The following ROCK1 variants were observed in gnomAD, a reference collection of about 807,000 sequenced individuals.
ROCK1 encodes Rho associated coiled-coil containing protein kinase 1.
A neutral mutation model predicts 196.8 loss-of-function variants in ROCK1; 36 were observed. That is an observed-to-expected ratio of 0.18 (90% CI 0.14 to 0.24). The LOEUF (loss-of-function observed/expected upper bound fraction) is 0.24. Ranked by LOEUF, ROCK1 falls within the 10% of genes least tolerant of loss-of-function variation. The probability of loss-of-function intolerance (pLI) is 1.00; values close to 1 mark genes in which losing one functional copy is unlikely to be tolerated. For missense variants in ROCK1, 920 were observed against 1,562.0 expected (o/e 0.59, Z 6.93); for synonymous variants, 443 against 515.9 (o/e 0.86, Z 1.91).
chr18:20,969,909 T>C (rs1203566003), intron 23 of ROCK1: 4 of 153,434 alleles, frequency 2.6e-5, no homozygotes, highest in African/African-American at 9.6e-5. Context: ...GAATAGGTAA[T>C]TGTTTGGAGT....
chr18:21,033,322 G>C (rs1250528625), intron 9 of ROCK1, among the ~76,000 whole-genome samples: 1 of 152,166 alleles, frequency 6.6e-6, no homozygotes, highest in Non-Finnish European at 1.5e-5. Context: ...AAGGACTAGA[G>C]AGGAACTTCC....
intron 1 of ROCK1, among the ~76,000 whole-genome samples, chr18:21,097,491 ATCC>A (rs1396123420): frequency 1.3e-5 from 2 of 152,240 alleles, no homozygotes; most frequent in Non-Finnish European, 2.9e-5. Flanking sequence ...ATTTCATTTA[ATCC>A]TCCTAATTAA....
chr18:21,086,332 G>C (rs1446270547), intron 1 of ROCK1, among the ~76,000 whole-genome samples: 1 of 152,012 alleles, frequency 6.6e-6, no homozygotes, highest in African/African-American at 2.4e-5. Context: ...GGCTGGTCTC[G>C]AACTCCCGAC....
intron 1 of ROCK1, among the ~76,000 whole-genome samples, chr18:21,090,366 G>C (rs950411236): frequency 1.3e-5 from 2 of 152,186 alleles, no homozygotes; most frequent in African/African-American, 4.8e-5. Context: ...AGGAGGCTGA[G>C]GTGGGAGAAT....
intron 18 of ROCK1, among the ~76,000 whole-genome samples, chr18:20,990,387 G>T (rs1040112601): frequency 3.3e-5 from 5 of 151,318 alleles, no homozygotes; most frequent in African/African-American, 7.3e-5. Context: ...GTAAACTGAG[G>T]GAACTAGAAG....
At chr18:21,096,608 C>T (rs2036615176) in intron 1 of ROCK1, among the ~76,000 whole-genome samples, 1 of 152,162 alleles carries the variant, frequency 6.6e-6, no homozygotes, top group Non-Finnish European at 1.5e-5. Flanking sequence ...GGGAGATAAT[C>T]ATTCACAATA....
rs777420609 is a variant in ROCK1 at position 21,044,138 on chromosome 18, C to T, written c.639G>A (p.Lys213=). 4.3e-6 allele frequency: 7 copies of T among 1,611,278 alleles called. No homozygotes were observed. The highest frequency in any genetic ancestry group is 1.3e-5 in the African/African-American group (1 of 74,948). ...TCATACAAGTACCAAAATCTGCTAA[C>T]TTCAAATGTCCAGATTTATCCAGCA... ...NMLLDKSGHL[K]LADFGTCMKM... The change falls in exon 6 of 33, where the codon AAG becomes AAA. Residue 213 remains lysine, a synonymous_variant. Coordinates refer to ENST00000399799, the MANE Select transcript of ROCK1 (RefSeq NM_005406.3).
intron 13 of ROCK1, 133 bp downstream of exon 13, chr18:21,015,298 G>T: frequency 1.5e-6 from 1 of 685,312 alleles, no homozygotes. Context: ...CCAAGGTGAG[G>T]CTTTCATCAC....
intron 12 of ROCK1, among the ~76,000 whole-genome samples, chr18:21,017,850 G>C (rs998370077): frequency 6.6e-6 from 1 of 151,756 alleles, no homozygotes; most frequent in African/African-American, 2.4e-5. Context: ...GCGGGCGCCT[G>C]TAGTCCCAGC....
intron 1 of ROCK1, among the ~76,000 whole-genome samples, chr18:21,081,922 T>A (rs1310359705): frequency 6.6e-6 from 1 of 152,170 alleles, no homozygotes; most frequent in African/African-American, 2.4e-5. Context: ...ACTGGTGAAT[T>A]CTAACAAACA....
Position 20,953,848 on chromosome 18 carries a change from T to C in ROCK1, c.3854-63A>G, listed in dbSNP as rs565510677. On this transcript the variant is annotated intron_variant, in intron 31 of 32. Transcript: ENST00000399799. ...ATATAGTTTTTTAAAATCCAACCTA[T>C]CAAATGCATAGTTTTTCAAGTTCTT... is the stretch of plus-strand genomic sequence containing the variant. 80 of 688,916 alleles carry C rather than the reference T, an allele frequency of 1.2e-4. No individual in the cohort carries two copies. The East Asian group carries it at 2.3e-3, about 20-fold the overall frequency. The allele number at this position is 688,916 out of a possible 1,614,324, so 42.7% of individuals were successfully genotyped here.
chr18:21,018,978 T>C (rs1404232823), intron 12 of ROCK1, among the ~76,000 whole-genome samples: 1 of 152,166 alleles, frequency 6.6e-6, no homozygotes, highest in African/African-American at 2.4e-5. Context: ...ATTTTTTCTG[T>C]GAGTCTAATG....
At position 21,024,084 on chromosome 18, in the gene ROCK1, A is replaced by T. The variant is rs184007755; in HGVS notation, c.1212-404T>A. On this transcript the variant is annotated intron_variant, in intron 10 of 32. Coordinates refer to ENST00000399799, the MANE Select transcript of ROCK1 (RefSeq NM_005406.3). The stretch of plus-strand genomic sequence containing the variant: ...GTTTTCAGAGCTTTTTGTATATAAG[A>T]ATTGGGGGTAAGAAACTGCTGACTT... Among the ~76,000 whole-genome samples the T allele has an allele frequency of 1.4e-3, 210 of 152,222 alleles. 1 individual carries two copies. Among genetic ancestry groups the T allele is most frequent in the African/African-American group, 4.8e-3 (200 of 41,548 alleles).
At chr18:20,984,636 G>A in intron 19 of ROCK1, 101 bp from the exon 20 acceptor site, 1 of 791,818 alleles carries the variant, frequency 1.3e-6, no homozygotes, top group Non-Finnish European at 1.9e-6. Context: ...ATAATTCATG[G>A]TACTAGTAGA....
rs533193137 is a variant in ROCK1, at chr18:21,098,363, CAGAT to C, written c.93+12451_93+12454del. ...TTAAAATAAATGCTGTGGAGATAAA[CAGAT>C]AGCCATTTGAATAAAGATAAAATTG... is the stretch of plus-strand genomic sequence containing the variant. On this transcript the variant is annotated intron_variant, in intron 1 of 32. Coordinates refer to ENST00000399799, the MANE Select transcript of ROCK1 (RefSeq NM_005406.3). Among the ~76,000 whole-genome samples, 54 of 151,906 alleles carry C rather than the reference CAGAT, an allele frequency of 3.6e-4. 1 individual carries two copies. In the East Asian group the frequency reaches 8.7e-3, roughly 24 times the overall value.
intron 21 of ROCK1, among the ~76,000 whole-genome samples, chr18:20,980,815 C>T (rs2035525188): frequency 6.6e-6 from 1 of 150,534 alleles, no homozygotes; most frequent in Non-Finnish European, 1.5e-5. Context: ...ACTCAGGAGG[C>T]TGAGGCAGGA....
intron 2 of ROCK1, among the ~76,000 whole-genome samples, chr18:21,067,426 G>A (rs572964794): frequency 2.3e-5 from 3 of 132,054 alleles, no homozygotes; most frequent in Admixed American, 8.8e-5. Flanking sequence ...TTGCTCTGTC[G>A]CCCAGGCTGG....
intron 11 of ROCK1, among the ~76,000 whole-genome samples, chr18:21,020,680 CT>C (rs1202080904): frequency 6.6e-6 from 1 of 152,032 alleles, no homozygotes; most frequent in Admixed American, 6.6e-5. Context: ...ATAAGAAGAA[CT>C]GATAATCTGA....
At chr18:21,103,734 A>G (rs762555535) in intron 1 of ROCK1, among the ~76,000 whole-genome samples, 2 of 152,098 alleles carry the variant, frequency 1.3e-5, no homozygotes, top group South Asian at 4.1e-4. Flanking sequence ...CCACCATGCC[A>G]GGCCTATCAT....
Sources: gnomAD v4.1 joint callset for allele counts (sites outside exome capture counted in the v4.1 genomes callset) on GRCh38, gnomAD v4.1.1 for gene constraint, MANE v1.5 for transcripts, NCBI Gene and HGNC (gene_info 2026-07-23, HGNC 2026-07-21) for gene names.